ELMO1: variants seen among roughly 807,000 people sequenced by gnomAD.
ELMO1 encodes engulfment and cell motility 1, also known as engulfment and cell motility protein 1.
Under a neutral mutation model 98.9 loss-of-function variants are expected in ELMO1, and 26 were observed. The ratio of observed to expected loss-of-function variants is 0.26; its 90% confidence interval spans 0.19 to 0.36. The LOEUF is 0.36. Among genes scored for constraint, ELMO1 ranks in the 10% least tolerant of loss-of-function variants. The pLI is 1.00. For synonymous variants in ELMO1, 346 were observed against 346.0 expected, an observed-to-expected ratio of 1.00 and a Z score of 0.00; for missense variants, 627 against 935.2, an observed-to-expected ratio of 0.67 and a Z score of 4.30.
At chr7:37,412,315 T>G (rs1804026444) in intron 1 of ELMO1, among the ~76,000 whole-genome samples, 2 of 152,242 alleles carry the variant, frequency 1.3e-5, no homozygotes, top group South Asian at 4.1e-4. Context: ...TCCTGGACAC[T>G]GAGGAAAGGC....
At chr7:36,961,577 C>A (rs923025838) in intron 16 of ELMO1, among the ~76,000 whole-genome samples, 1 of 152,126 alleles carries the variant, frequency 6.6e-6, no homozygotes, top group African/African-American at 2.4e-5. Context: ...CACAAAAGTA[C>A]TTTTTCTGAA....
intron 14 of ELMO1, among the ~76,000 whole-genome samples, chr7:37,104,540 A>G (rs1201190698): frequency 6.6e-6 from 1 of 152,160 alleles, no homozygotes; most frequent in Admixed American, 6.5e-5. Context: ...AGTTACTTTC[A>G]CCAGCATGCC....
intron 21 of ELMO1, among the ~76,000 whole-genome samples, chr7:36,858,390 C>T (rs1400891530): frequency 6.6e-6 from 1 of 152,104 alleles, no homozygotes; most frequent in Non-Finnish European, 1.5e-5. Context: ...AGAAAGGGAG[C>T]CTGAATTTGA....
At chr7:37,198,719 G>A (rs1445841470) in intron 13 of ELMO1, among the ~76,000 whole-genome samples, 1 of 152,230 alleles carries the variant, frequency 6.6e-6, no homozygotes, top group Non-Finnish European at 1.5e-5. Flanking sequence ...GCTGGATGGT[G>A]CCCTTTTGCT....
At position 37,166,788 on chromosome 7, in the gene ELMO1, G is replaced by A. The variant is rs528806860; in HGVS notation, c.1087-33554C>T. 7.9e-5 allele frequency among the ~76,000 whole-genome samples: 12 copies of A among 152,270 alleles called. No homozygotes were observed. In the South Asian group the frequency reaches 2.5e-3, roughly 32 times the overall value. ...TGGTCAATTTTGGAATAGGTGTGGT[G>A]TGGTGCTGAAAAAAATGTATATTCT... On this transcript the variant is annotated intron_variant, in intron 13 of 21. Coordinates refer to ENST00000310758, the MANE Select transcript of ELMO1 (RefSeq NM_014800.11).
chr7:37,182,237 A>G (rs1336321719), intron 13 of ELMO1, among the ~76,000 whole-genome samples: 3 of 152,154 alleles, frequency 2.0e-5, no homozygotes, highest in Non-Finnish European at 4.4e-5. Flanking sequence ...ACATCCTCTC[A>G]GAGTTTGGTA....
chr7:37,205,941 A>AC (rs1792590661), intron 13 of ELMO1, among the ~76,000 whole-genome samples: 1 of 152,102 alleles, frequency 6.6e-6, no homozygotes, highest in Non-Finnish European at 1.5e-5. Context: ...AGGCAACTCT[A>AC]CTTCCCTCTC....
intron 8 of ELMO1, among the ~76,000 whole-genome samples, chr7:37,231,214 C>T: frequency 6.6e-6 from 1 of 152,022 alleles, no homozygotes; most frequent in East Asian, 1.9e-4. Context: ...GAACATAAAA[C>T]ATAGTGCGGA....
chr7:37,328,235 T>C (rs926168089), intron 2 of ELMO1, among the ~76,000 whole-genome samples: 4 of 151,814 alleles, frequency 2.6e-5, no homozygotes, highest in African/African-American at 9.7e-5. Context: ...TACAAAAAGT[T>C]AGCCGAGTAT....
intron 15 of ELMO1, among the ~76,000 whole-genome samples, chr7:37,078,230 C>T (rs886370177): frequency 7.2e-5 from 11 of 152,238 alleles, no homozygotes; most frequent in African/African-American, 2.6e-4. Flanking sequence ...AGTTTTAATA[C>T]TGTTTTATGA....
chr7:37,192,367 T>C lies in ELMO1; in HGVS notation c.1086+19019A>G, dbSNP rs1305048580. On this transcript the variant is annotated intron_variant, in intron 13 of 21. Coordinates refer to ENST00000310758, the MANE Select transcript of ELMO1 (RefSeq NM_014800.11). ...AAAATTCGCTGGATGTGGTGGTGCA[T>C]GCCTGTAGTCCCAGCTACTCGGGAG... 2.6e-5 allele frequency among the ~76,000 whole-genome samples: 4 copies of C among 150,984 alleles called. No individual in the cohort carries two copies. The East Asian group carries it at 7.9e-4, about 30-fold the overall frequency.
chr7:37,263,741 G>A (rs145151147), intron 5 of ELMO1, among the ~76,000 whole-genome samples: 1 of 152,330 alleles, frequency 6.6e-6, no homozygotes, highest in Non-Finnish European at 1.5e-5. Context: ...GGCCTGTCTG[G>A]AGGGAGAGAA....
In ELMO1 at chr7:37,391,006, CCCTTCCTTCCTTCCTTCCTT is replaced by C. The variant is rs56315543; in HGVS notation, c.-73-48263_-73-48244del. 5.4e-3 allele frequency among the ~76,000 whole-genome samples: 705 copies of C among 130,148 alleles called. 7 individuals carry two copies. The highest frequency in any genetic ancestry group is 0.019 in the African/African-American group (670 of 34,630). 85.4% of individuals were successfully genotyped at this position (130,148 alleles called of 152,430 possible). A position where few individuals can be genotyped will look rare whatever the true frequency, so the allele number is the denominator to read the frequency against. ...ATCAGGTATATTCTGGGAAAGTAGT[CCCTTCCTTCCTTCCTTCCTT>C]CCTTCCTTCCTTCCTTCCTTCCTTC... is the stretch of plus-strand genomic sequence containing the variant. On this transcript the variant is annotated intron_variant, in intron 1 of 21. Transcript: ENST00000310758.
rs57418239 is a variant in ELMO1 at position 37,437,979 on chromosome 7, C to CAAAAAAAAAAAAAAAA, written c.-74+10680_-74+10695dup. 9.4e-4 allele frequency among the ~76,000 whole-genome samples: 17 copies of CAAAAAAAAAAAAAAAA among 18,052 alleles called. 1 individual carries two copies. The highest frequency in any genetic ancestry group is 1.9e-3 in the African/African-American group (16 of 8,322). The allele number at this position is 18,052 out of a possible 152,430, so 11.8% of individuals were successfully genotyped here. A position where few individuals can be genotyped will look rare whatever the true frequency, so the allele number is the denominator to read the frequency against. On this transcript the variant is annotated intron_variant, in intron 1 of 21. Coordinates refer to ENST00000310758, the MANE Select transcript of ELMO1 (RefSeq NM_014800.11). ...TGGGCGACAGAGCGAGACTCCGTCTCAAAAAAAAAAAAAAAAAAAAAAGAA... is the reference window on the plus strand; with the variant it reads ...TGGGCGACAGAGCGAGACTCCGTCTCAAAAAAAAAAAAAAAAAAAAAAAAAAAAAAAAAAAAAAGAA...
At chr7:37,002,447 G>C (rs56185938) in intron 16 of ELMO1, among the ~76,000 whole-genome samples, 260 of 152,340 alleles carry the variant, frequency 1.7e-3, no homozygotes, top group African/African-American at 5.7e-3. Flanking sequence ...GAGAGAAGAG[G>C]AAGACAGAAA....
chr7:37,269,514 T>G (rs895281750), intron 5 of ELMO1: 2 of 148,786 alleles, frequency 1.3e-5, no homozygotes, highest in Admixed American at 1.4e-4. Context: ...TCATCTCTGC[T>G]CACTGTAAGC....
chr7:37,337,595 T>C (rs1445701525), intron 2 of ELMO1, among the ~76,000 whole-genome samples: 1 of 150,336 alleles, frequency 6.7e-6, no homozygotes, highest in Non-Finnish European at 1.5e-5. Context: ...TGGAAACAAA[T>C]TGGGACCACC....
intron 1 of ELMO1, among the ~76,000 whole-genome samples, chr7:37,365,279 G>T (rs188167632): frequency 6.6e-6 from 1 of 152,296 alleles, no homozygotes; most frequent in East Asian, 1.9e-4. Context: ...GTTTTGCTGA[G>T]CACCGATCAA....
At chr7:37,419,255 G>C (rs1341929785) in intron 1 of ELMO1, among the ~76,000 whole-genome samples, 3 of 152,202 alleles carry the variant, frequency 2.0e-5, no homozygotes, top group Non-Finnish European at 4.4e-5. Context: ...AGAAGGCTAT[G>C]ATAATTGAGA....
Sources: gnomAD v4.1 joint callset for allele counts (sites outside exome capture counted in the v4.1 genomes callset) on GRCh38, gnomAD v4.1.1 for gene constraint, MANE v1.5 for transcripts, NCBI Gene and HGNC (gene_info 2026-07-23, HGNC 2026-07-21) for gene names.